The following PCDHGA4 variants were observed in gnomAD, a reference collection of about 807,000 sequenced individuals.
PCDHGA4 encodes protocadherin gamma subfamily A, 4.
PCDHGA4 carries 38 observed loss-of-function variants against 54.6 expected under a neutral mutation model. That is an observed-to-expected ratio of 0.70 (90% CI 0.54 to 0.91). The LOEUF (loss-of-function observed/expected upper bound fraction) is 0.91. Ranked by LOEUF, PCDHGA4 falls within the 40% of genes least tolerant of loss-of-function variation. PCDHGA4 has a pLI of 0.00. For missense variants in PCDHGA4, 1,298 were observed against 1,220.9 expected, an observed-to-expected ratio of 1.06 and a Z score of -0.94; for synonymous variants, 511 against 512.9, an observed-to-expected ratio of 1.00 and a Z score of 0.05.
In PCDHGA4 at chr5:141,493,664, G is replaced by A. The variant is rs2099749444; in HGVS notation, c.2515-1143G>A. Reference sequence around the variant, plus strand: ...TGGCCATCCCTGTGCCCTTCTCCATGGCAGCCCCAGAATGGTGCTGGTGAC... The same window carrying A: ...TGGCCATCCCTGTGCCCTTCTCCATAGCAGCCCCAGAATGGTGCTGGTGAC... On this transcript the variant is annotated intron_variant, in intron 1 of 3. Coordinates refer to ENST00000571252, the MANE Select transcript of PCDHGA4 (RefSeq NM_018917.4). This position sits in a 1 kb window ranked among gnomAD's most constrained non-coding sequence, Gnocchi z 4.3. Among the ~76,000 whole-genome samples, 1 of 152,136 alleles carries A rather than the reference G, an allele frequency of 6.6e-6. No homozygotes were observed. Among genetic ancestry groups the A allele is most frequent in the Non-Finnish European group, 1.5e-5 (1 of 68,026 alleles).
intron 1 of PCDHGA4, chr5:141,413,082 A>C: frequency 3.7e-6 from 5 of 1,344,442 alleles, no homozygotes; most frequent in Non-Finnish European, 5.1e-6. Context: ...CCCAGGCTAC[A>C]GAGACACCCT....
At chr5:141,393,349 C>G in intron 1 of PCDHGA4, 1 of 1,613,964 alleles carries the variant, frequency 6.2e-7, no homozygotes, top group Non-Finnish European at 8.5e-7. Context: ...CACCACTTCT[C>G]CCTGGACGTG....
At chr5:141,481,943 G>C (rs1454871018) in intron 1 of PCDHGA4, among the ~76,000 whole-genome samples, 1 of 148,544 alleles carries the variant, frequency 6.7e-6, no homozygotes, top group South Asian at 2.1e-4. Context: ...AAATCAGCCA[G>C]ATGTGGTGGC....
rs902790467 is a variant in PCDHGA4 at position 141,395,519 on chromosome 5, C to A, written c.2514+37898C>A. 1.5e-5 allele frequency: 6 copies of A among 409,366 alleles called. 1 individual carries two copies. The highest frequency in any genetic ancestry group is 1.3e-4 in the African/African-American group (6 of 47,696). The allele number at this position is 409,366 out of a possible 1,614,324, so 25.4% of individuals were successfully genotyped here. On this transcript the variant is annotated intron_variant, in intron 1 of 3. Transcript: ENST00000571252. ...TTCACTTAAGAAGTAGCTACCCGTC[C>A]ATACTGGTAATTTTGCTATTGTTTG...
chr5:141,415,740 GTTTTTTTTTTTT>G lies in PCDHGA4; in HGVS notation c.2514+58140_2514+58151del, dbSNP rs57426385. ...TGAGTAGAATTTGATGTTTATTAAGGTTTTTTTTTTTTTTTTTTTTTTTTTTTTTTTTACTTT... is the reference window on the plus strand; with the variant it reads ...TGAGTAGAATTTGATGTTTATTAAGGTTTTTTTTTTTTTTTTTTTTACTTT... On this transcript the variant is annotated intron_variant, in intron 1 of 3. Transcript: ENST00000571252. The G allele has an allele frequency of 5.3e-4, 329 of 624,896 alleles. 2 individuals are homozygous for G. Among genetic ancestry groups the G allele is most frequent in the African/African-American group, 1.2e-3 (49 of 39,888 alleles). The allele number at this position is 624,896 out of a possible 1,614,324, so 38.7% of individuals were successfully genotyped here.
At chr5:141,415,540 T>C (rs1202920204) in intron 1 of PCDHGA4, 9 of 1,614,184 alleles carry the variant, frequency 5.6e-6, no homozygotes, top group Non-Finnish European at 7.6e-6. Context: ...CCAGGAGAGC[T>C]GTGAGAAAAA....
intron 1 of PCDHGA4, chr5:141,403,191 G>T (rs368387997): frequency 6.2e-7 from 1 of 1,613,994 alleles, no homozygotes; most frequent in Non-Finnish European, 8.5e-7. Flanking sequence ...CTGAACCCGC[G>T]CAGCGGCACC....
At chr5:141,394,072 T>C (rs1384581843) in intron 1 of PCDHGA4, 4 of 1,613,840 alleles carry the variant, frequency 2.5e-6, no homozygotes, top group Non-Finnish European at 3.4e-6. Context: ...ATCTACAATA[T>C]CACAGTGATG....
At position 141,432,185 on chromosome 5, in the gene PCDHGA4, G is replaced by A. The variant is rs376661062; in HGVS notation, c.2515-62622G>A. 8.1e-6 allele frequency: 13 copies of A among 1,613,956 alleles called. No individual in the cohort carries two copies. The African/African-American group carries it at 1.3e-4, about 17-fold the overall frequency. On this transcript the variant is annotated intron_variant, in intron 1 of 3. Transcript: ENST00000571252. This position sits in a 1 kb window ranked among gnomAD's most constrained non-coding sequence, Gnocchi z 6.0. ...AGGAGTTTCCCTCGTCTCTGTGACC[G>A]CCCACGACCCCGACTGTGAAGAGAA...
rs1562129544 is a variant in PCDHGA4 at position 141,489,362 on chromosome 5, C to G, written c.2515-5445C>G. ...TACTCAGTGGTGGAGGAGTCTGAGC[C>G]GGGGACGCTGGTGGGGAATGTTGCT... On this transcript the variant is annotated intron_variant, in intron 1 of 3. Transcript: ENST00000571252. This position sits in a 1 kb window ranked among gnomAD's most constrained non-coding sequence, Gnocchi z 4.5. 6.2e-7 allele frequency: 1 copy of G among 1,613,052 alleles called. No individual in the cohort carries two copies. Among genetic ancestry groups the G allele is most frequent in the Non-Finnish European group, 8.5e-7 (1 of 1,179,268 alleles).
intron 1 of PCDHGA4, among the ~76,000 whole-genome samples, chr5:141,450,829 ATTT>A (rs373424450): frequency 7.4e-6 from 1 of 135,126 alleles, no homozygotes; most frequent in African/African-American, 2.7e-5. Flanking sequence ...TATTATTATT[ATTT>A]TTTTTTTTTT....
At chr5:141,404,495 T>A in intron 1 of PCDHGA4, 1 of 1,613,920 alleles carries the variant, frequency 6.2e-7, no homozygotes, top group South Asian at 1.1e-5. Context: ...TGGTGTGCTG[T>A]ATGCTCTGTG....
chr5:141,490,822 C>T lies in PCDHGA4; in HGVS notation c.2515-3985C>T. ...GCGTACCTTTGACTATGAATTGCTG[C>T]AGATGCTGCAGATTGTGGTGGGGGT... On this transcript the variant is annotated intron_variant, in intron 1 of 3. Coordinates refer to ENST00000571252, the MANE Select transcript of PCDHGA4 (RefSeq NM_018917.4). This position sits in a 1 kb window ranked among gnomAD's most constrained non-coding sequence, Gnocchi z 5.4. 2 of 1,613,842 alleles carry T rather than the reference C, an allele frequency of 1.2e-6. No individual in the cohort carries two copies. Among genetic ancestry groups the T allele is most frequent in the Non-Finnish European group, 1.7e-6 (2 of 1,179,790 alleles).
intron 2 of PCDHGA4, among the ~76,000 whole-genome samples, chr5:141,501,526 G>A (rs2099809738): frequency 6.6e-6 from 1 of 151,962 alleles, no homozygotes; most frequent in Non-Finnish European, 1.5e-5. Context: ...CTGAAGCCCA[G>A]TACGTTGTTG....
chr5:141,447,226 G>A (rs746777844), intron 1 of PCDHGA4, among the ~76,000 whole-genome samples: 1 of 151,910 alleles, frequency 6.6e-6, no homozygotes, highest in Non-Finnish European at 1.5e-5. Context: ...TGCAACCTCC[G>A]CCTCCCGGGT....
At chr5:141,421,531 T>G (rs1318944446) in intron 1 of PCDHGA4, 1 of 1,613,904 alleles carries the variant, frequency 6.2e-7, no homozygotes, top group Non-Finnish European at 8.5e-7. Flanking sequence ...GACGGTGTCC[T>G]CCTGTTTTTT....
chr5:141,422,150 T>C (rs773805631), intron 1 of PCDHGA4: 23 of 1,577,056 alleles, frequency 1.5e-5, no homozygotes, highest in Non-Finnish European at 1.8e-5. Context: ...CGGGGGTCTC[T>C]GGATTTTGAA....
At chr5:141,460,088 A>C (rs1225262213) in intron 1 of PCDHGA4, among the ~76,000 whole-genome samples, 2 of 151,990 alleles carry the variant, frequency 1.3e-5, no homozygotes, top group Non-Finnish European at 2.9e-5. Flanking sequence ...AAAAATAATA[A>C]TTATACATGT....
intron 1 of PCDHGA4, chr5:141,440,479 T>C (rs949675242): frequency 6.6e-6 from 1 of 152,172 alleles, no homozygotes; most frequent in African/African-American, 2.4e-5. Context: ...TTGAAAATTC[T>C]TTAAATGTTT....
Sources: allele counts gnomAD v4.1 joint callset (sites outside exome capture counted in the v4.1 genomes callset), GRCh38; gene constraint gnomAD v4.1.1; non-coding constraint Gnocchi (gnomAD v3.1); transcripts MANE v1.5; gene names NCBI Gene and HGNC (gene_info 2026-07-23, HGNC 2026-07-21).